Variants in AK9 observed in about 807,000 individuals in gnomAD.
The protein encoded by AK9 is adenylate kinase domain containing 1.
Under a neutral mutation model 239.6 loss-of-function variants are expected in AK9, and 191 were observed. The observed-to-expected ratio is 0.80, with a 90% CI of 0.71 to 0.90. The LOEUF is 0.90. Among genes scored for constraint, AK9 ranks in the 40% least tolerant of loss-of-function variants. The pLI is 0.00. For missense variants in AK9, 1,995 were observed against 2,214.7 expected, an observed-to-expected ratio of 0.90 and a Z score of 1.99; for synonymous variants, 689 against 721.0, an observed-to-expected ratio of 0.96 and a Z score of 0.71.
chr6:109,588,164 G>A (rs1334271504), intron 17 of AK9, among the ~76,000 whole-genome samples: 3 of 151,576 alleles, frequency 2.0e-5, no homozygotes, highest in African/African-American at 7.3e-5. Context: ...TCCGCCTCCC[G>A]GGTTCACGCC....
chr6:109,596,151 A>T (rs1314689265), intron 17 of AK9, among the ~76,000 whole-genome samples: 1 of 152,156 alleles, frequency 6.6e-6, no homozygotes, highest in Non-Finnish European at 1.5e-5. Context: ...GCTTTGCTTG[A>T]TCTTTATCGT....
At chr6:109,620,257 AT>A (rs1293916375) in intron 12 of AK9, among the ~76,000 whole-genome samples, 1 of 152,134 alleles carries the variant, frequency 6.6e-6, no homozygotes, top group East Asian at 1.9e-4. Flanking sequence ...CAACTGAACT[AT>A]TTTACATCTC....
At chr6:109,643,742 C>T (rs1797722683) in intron 9 of AK9, among the ~76,000 whole-genome samples, 1 of 152,166 alleles carries the variant, frequency 6.6e-6, no homozygotes, top group South Asian at 2.1e-4. Context: ...ACCCCTCCAG[C>T]CCCATCCTCC....
chr6:109,542,346 A>G (rs1783006533), intron 26 of AK9, among the ~76,000 whole-genome samples, 175 bp from the exon 27 acceptor site: 1 of 152,230 alleles, frequency 6.6e-6, no homozygotes, highest in African/African-American at 2.4e-5. Context: ...GAAGAGAGGC[A>G]GGATAATGGG....
rs140002948 is a variant in AK9, at chr6:109,577,200, G to C, written c.2191+2350C>G. On this transcript the variant is annotated intron_variant, in intron 20 of 40. Transcript: ENST00000424296. The stretch of plus-strand genomic sequence containing the variant: ...TTTTCTGAGGGTTTTAATCATAAAG[G>C]GGTGCTGGATTTTGTCAAATGCTTT... Among the ~76,000 whole-genome samples the C allele has an allele frequency of 6.9e-3, 1,056 of 152,144 alleles. 13 individuals carry two copies. The highest frequency in any genetic ancestry group is 0.024 in the African/African-American group (1,007 of 41,510).
In AK9 at chr6:109,516,412, C is replaced by G. The variant is rs1779282746; in HGVS notation, c.3846+18G>C. The stretch of plus-strand genomic sequence containing the variant: ...AATATTACTTTTGAATTATAAAAAG[C>G]AAAGGAAAAGTAATAACCTGTATTA... On this transcript the variant is annotated intron_variant, in intron 30 of 40. Coordinates refer to ENST00000424296, the MANE Select transcript of AK9 (RefSeq NM_001145128.3). The G allele has an allele frequency of 6.5e-7, 1 of 1,535,538 alleles. No homozygotes were observed. The highest frequency in any genetic ancestry group is 1.2e-5 in the South Asian group (1 of 83,320).
chr6:109,641,451 G>A (rs879216119), intron 10 of AK9, 67 bp downstream of exon 10: 1 of 1,269,450 alleles, frequency 7.9e-7, no homozygotes, highest in Non-Finnish European at 1.1e-6. Flanking sequence ...TTACAGGTGT[G>A]AGCCACTGCA....
At chr6:109,688,738 A>G (rs1189815939) in intron 1 of AK9, among the ~76,000 whole-genome samples, 1 of 152,134 alleles carries the variant, frequency 6.6e-6, no homozygotes. Flanking sequence ...GACCCAGTAA[A>G]GGTTTCATTA....
chr6:109,602,262 A>G (rs1195929964), intron 17 of AK9, among the ~76,000 whole-genome samples: 1 of 152,158 alleles, frequency 6.6e-6, no homozygotes, highest in African/African-American at 2.4e-5. Context: ...CTTGTAGGGC[A>G]GGCCTGGTGG....
chr6:109,538,745 G>A (rs567072792), intron 27 of AK9, among the ~76,000 whole-genome samples: 73 of 152,286 alleles, frequency 4.8e-4, no homozygotes, highest in African/African-American at 1.8e-3. Flanking sequence ...GCTGGTACCG[G>A]TTGTTCCTTT....
At chr6:109,521,766 C>G (rs1779890422) in intron 29 of AK9, among the ~76,000 whole-genome samples, 1 of 152,030 alleles carries the variant, frequency 6.6e-6, no homozygotes, top group Admixed American at 6.6e-5. Flanking sequence ...TAGAATGTTT[C>G]TAGTATCAAG....
chr6:109,592,230 A>G (rs542707869), intron 17 of AK9, among the ~76,000 whole-genome samples: 1 of 152,332 alleles, frequency 6.6e-6, no homozygotes, highest in Admixed American at 6.5e-5. Context: ...TTTATTTCCA[A>G]AGTTGCTATA....
chr6:109,618,470 G>C (rs1373485602), intron 13 of AK9, among the ~76,000 whole-genome samples: 1 of 150,902 alleles, frequency 6.6e-6, no homozygotes, highest in Non-Finnish European at 1.5e-5. Flanking sequence ...TCTGCAATGT[G>C]ATCAACAGTC....
intron 10 of AK9, among the ~76,000 whole-genome samples, chr6:109,636,674 A>G (rs1214704101): frequency 6.9e-6 from 1 of 145,486 alleles, no homozygotes; most frequent in African/African-American, 2.6e-5. Context: ...TGCTTGTTTC[A>G]CTTAGTATGT....
intron 29 of AK9, chr6:109,528,629 A>G: frequency 2.2e-6 from 1 of 461,050 alleles, no homozygotes; most frequent in South Asian, 1.5e-5. Context: ...TTGCAGTTGC[A>G]CTGTACAATA....
intron 29 of AK9, among the ~76,000 whole-genome samples, chr6:109,526,259 C>A (rs1441145329): frequency 6.6e-6 from 1 of 151,860 alleles, no homozygotes; most frequent in East Asian, 1.9e-4. Flanking sequence ...CGTAACAAAC[C>A]TGCACATGTA....
At chr6:109,657,809 CTAGAGAAAGAACATTT>C (rs1799911709) in intron 7 of AK9, among the ~76,000 whole-genome samples, 1 of 151,984 alleles carries the variant, frequency 6.6e-6, no homozygotes, top group Non-Finnish European at 1.5e-5. Context: ...ACACAAGTTT[CTAGAGAAAGAACATTT>C]TAAGGTAGAG....
At chr6:109,639,347 A>AC (rs1408556428) in intron 10 of AK9, among the ~76,000 whole-genome samples, 1 of 152,200 alleles carries the variant, frequency 6.6e-6, no homozygotes, top group Admixed American at 6.5e-5. Context: ...TGCCATTCTA[A>AC]CTGGTGTGAG....
intron 27 of AK9, among the ~76,000 whole-genome samples, chr6:109,536,680 C>T (rs1424939086): frequency 6.6e-6 from 1 of 152,132 alleles, no homozygotes; most frequent in Admixed American, 6.6e-5. Context: ...CTGTCTTGTG[C>T]CAGTTTTCAA....
Sources: gnomAD v4.1 joint callset for allele counts (sites outside exome capture counted in the v4.1 genomes callset) on GRCh38, gnomAD v4.1.1 for gene constraint, MANE v1.5 for transcripts, NCBI Gene and HGNC (gene_info 2026-07-23, HGNC 2026-07-21) for gene names.